CDS2: variants seen among roughly 807,000 people sequenced by gnomAD.
The protein encoded by CDS2 is CDP-diacylglycerol synthase 2.
A neutral mutation model predicts 59.0 loss-of-function variants in CDS2; 47 were observed. The observed-to-expected ratio is 0.80, with a 90% CI of 0.63 to 1.02. The LOEUF (loss-of-function observed/expected upper bound fraction) is 1.02, where lower values mean the gene tolerates loss of function less well. Ranked by LOEUF, CDS2 falls within the 50% of genes least tolerant of loss-of-function variation. The pLI is 0.00. For missense variants in CDS2, 356 were observed against 558.9 expected (o/e 0.64, Z 3.66); for synonymous variants, 207 against 206.4 (o/e 1.00, Z -0.02).
chr20:5,135,418 AGAGGCTGTTG>A (rs1388042580), intron 1 of CDS2, among the ~76,000 whole-genome samples: 2 of 152,150 alleles, frequency 1.3e-5, no homozygotes, highest in East Asian at 1.9e-4. Flanking sequence ...GACTGGCACT[AGAGGCTGTTG>A]GGGGTGAAAA....
chr20:5,178,806 T>G lies in CDS2; in HGVS notation c.390-11T>G. ...GTGCTCCCCACGGCAATGACCTGTCTTCATTTACAGGTACTTTCTCCTGTG... is the reference window on the plus strand; with the variant it reads ...GTGCTCCCCACGGCAATGACCTGTCGTCATTTACAGGTACTTTCTCCTGTG... On this transcript the variant is annotated splice_polypyrimidine_tract_variant and intron_variant, in intron 4 of 12. Coordinates refer to ENST00000460006, the MANE Select transcript of CDS2 (RefSeq NM_003818.4). 1 of 1,614,064 alleles carries G rather than the reference T, an allele frequency of 6.2e-7. No homozygotes were observed. Among genetic ancestry groups the G allele is most frequent in the Non-Finnish European group, 8.5e-7 (1 of 1,179,914 alleles).
chr20:5,185,991 G>C (rs2091064669), intron 9 of CDS2, among the ~76,000 whole-genome samples, 165 bp downstream of exon 9: 1 of 152,286 alleles, frequency 6.6e-6, no homozygotes, highest in Non-Finnish European at 1.5e-5. Flanking sequence ...CCATCCACCA[G>C]CTTTCAGGCA....
At position 5,193,967 on chromosome 20, in the gene CDS2, C is replaced by T. The variant is rs1165192929; in HGVS notation, c.*3733C>T. ...AAGGGTGGAGTTGGGAGGACAATTT[C>T]ACTTGAACAGGTTTCTGTTCTTCTG... On this transcript the variant is annotated 3_prime_UTR_variant, in exon 13 of 13. Transcript: ENST00000460006. 1 of 152,204 alleles carries T rather than the reference C, an allele frequency of 6.6e-6. No individual in the cohort carries two copies. The highest frequency in any genetic ancestry group is 1.9e-4 in the East Asian group (1 of 5,194). The allele number at this position is 152,204 out of a possible 1,614,324, so 9.4% of individuals were successfully genotyped here.
intron 1 of CDS2, among the ~76,000 whole-genome samples, chr20:5,141,901 A>G (rs1402909393): frequency 6.6e-6 from 1 of 151,932 alleles, no homozygotes; most frequent in East Asian, 1.9e-4. Context: ...TTACAGTGTG[A>G]GAACAGAGGG....
intron 8 of CDS2, 140 bp downstream of exon 8, chr20:5,185,085 CA>C (rs2091057680): frequency 1.6e-6 from 1 of 634,450 alleles, no homozygotes. Context: ...GGAGAAAGGC[CA>C]AAGGAAAACA....
At chr20:5,137,867 C>T (rs1021246312) in intron 1 of CDS2, among the ~76,000 whole-genome samples, 3 of 151,690 alleles carry the variant, frequency 2.0e-5, no homozygotes, top group Admixed American at 6.6e-5. Flanking sequence ...GGCACGATCT[C>T]GGCTCACTCC....
intron 4 of CDS2, 106 bp downstream of exon 4, chr20:5,176,851 T>C: frequency 1.3e-6 from 1 of 793,132 alleles, no homozygotes; most frequent in East Asian, 2.4e-5. Flanking sequence ...TAGAGATAAA[T>C]GCTGGAGAGG....
At chr20:5,178,445 T>G (rs1205657999) in intron 4 of CDS2, among the ~76,000 whole-genome samples, 1 of 151,420 alleles carries the variant, frequency 6.6e-6, no homozygotes. Context: ...TTGATAGGAG[T>G]GAAGGAGTTC....
At chr20:5,180,266 C>T (rs927802852) in intron 5 of CDS2, among the ~76,000 whole-genome samples, 2 of 151,900 alleles carry the variant, frequency 1.3e-5, no homozygotes, top group South Asian at 2.1e-4. Context: ...CCCTCTTCTC[C>T]CAGCCCTATG....
At chr20:5,127,951 A>G (rs771800334) in intron 1 of CDS2, among the ~76,000 whole-genome samples, 7 of 152,156 alleles carry the variant, frequency 4.6e-5, no homozygotes, top group Admixed American at 3.3e-4. Context: ...CCGAGATAGC[A>G]GTGATCAGGA....
intron 4 of CDS2, among the ~76,000 whole-genome samples, chr20:5,178,474 A>G (rs2091009752): frequency 6.6e-6 from 1 of 152,172 alleles, no homozygotes; most frequent in Non-Finnish European, 1.5e-5. Context: ...AAGAGTGGAA[A>G]CGAGACTGGG....
chr20:5,172,951 G>A (rs1401700207), intron 1 of CDS2, among the ~76,000 whole-genome samples: 1 of 152,212 alleles, frequency 6.6e-6, no homozygotes, highest in East Asian at 1.9e-4. Flanking sequence ...GGCAGGGAAA[G>A]GACTGAGGTG....
At chr20:5,161,844 ATTGG>A (rs2090878811) in intron 1 of CDS2, among the ~76,000 whole-genome samples, 1 of 152,034 alleles carries the variant, frequency 6.6e-6, no homozygotes, top group Admixed American at 6.5e-5. Context: ...TAACCACTCT[ATTGG>A]ACGTACTTGG....
At chr20:5,176,891 C>A in intron 4 of CDS2, 146 bp downstream of exon 4, 1 of 642,016 alleles carries the variant, frequency 1.6e-6, no homozygotes, top group Non-Finnish European at 2.8e-6. Context: ...TACAAAGTTT[C>A]ATGAAGAAAA....
At chr20:5,151,659 G>A (rs1031842934) in intron 1 of CDS2, among the ~76,000 whole-genome samples, 4 of 149,646 alleles carry the variant, frequency 2.7e-5, no homozygotes, top group South Asian at 2.2e-4. Flanking sequence ...GGTTGGTCTC[G>A]AACTCCTGCC....
At chr20:5,182,989 G>C in intron 6 of CDS2, 72 bp from the exon 7 acceptor site, 1 of 1,211,258 alleles carries the variant, frequency 8.3e-7, no homozygotes, top group East Asian at 2.4e-5. Flanking sequence ...TTTTCTATTT[G>C]GTATTGATTG....
intron 1 of CDS2, among the ~76,000 whole-genome samples, chr20:5,145,119 A>C (rs1273748628): frequency 6.6e-6 from 1 of 151,780 alleles, no homozygotes; most frequent in Non-Finnish European, 1.5e-5. Flanking sequence ...GACAAGACAC[A>C]GTAGTGTCTT....
At chr20:5,158,010 C>T (rs1012656474) in intron 1 of CDS2, among the ~76,000 whole-genome samples, 1 of 152,150 alleles carries the variant, frequency 6.6e-6, no homozygotes, top group African/African-American at 2.4e-5. Flanking sequence ...CGTAAACTTT[C>T]TTAAAACATT....
chr20:5,134,917 T>C (rs1225903948), intron 1 of CDS2, among the ~76,000 whole-genome samples: 3 of 152,212 alleles, frequency 2.0e-5, no homozygotes, highest in Admixed American at 6.5e-5. Context: ...ATTCAGAATA[T>C]GTTTGATAAA....
Sources: allele counts gnomAD v4.1 joint callset (sites outside exome capture counted in the v4.1 genomes callset), GRCh38; gene constraint gnomAD v4.1.1; transcripts MANE v1.5; gene names NCBI Gene and HGNC (gene_info 2026-07-23, HGNC 2026-07-21).